Variants in PPFIA1 observed in about 807,000 individuals in gnomAD.
The protein encoded by PPFIA1 is PPFI scaffold protein A1.
In PPFIA1, 25 loss-of-function variants were observed where a neutral mutation model predicts 149.9. That is an observed-to-expected ratio of 0.17 (90% CI 0.12 to 0.23). PPFIA1 has a LOEUF of 0.23. Among genes scored for constraint, PPFIA1 ranks in the 10% least tolerant of loss-of-function variants. The pLI is 1.00. For synonymous variants in PPFIA1, 549 were observed against 552.8 expected, an observed-to-expected ratio of 0.99 and a Z score of 0.10; for missense variants, 1,362 against 1,506.5, an observed-to-expected ratio of 0.90 and a Z score of 1.59.
At chr11:70,319,681 G>A (rs887416131) in intron 2 of PPFIA1, among the ~76,000 whole-genome samples, 2 of 152,184 alleles carry the variant, frequency 1.3e-5, no homozygotes, top group Non-Finnish European at 2.9e-5. Flanking sequence ...TAGATAAGGT[G>A]ATTTCTATAG....
chr11:70,278,889 A>G (rs1437021519), intron 2 of PPFIA1: 3 of 531,376 alleles, frequency 5.6e-6, no homozygotes, highest in South Asian at 1.8e-5. Flanking sequence ...GGGTCCTGAG[A>G]TAATAAGGAA....
At chr11:70,284,043 T>C (rs1217241395) in intron 2 of PPFIA1, 2 of 530,524 alleles carry the variant, frequency 3.8e-6, no homozygotes, top group Non-Finnish European at 7.7e-6. Context: ...TTATTTTTGC[T>C]TCAACCTAAT....
At chr11:70,312,958 C>G (rs115722544) in intron 2 of PPFIA1, among the ~76,000 whole-genome samples, 4,388 of 152,194 alleles carry the variant, frequency 0.029, 245 homozygotes, top group African/African-American at 0.1. Context: ...GTAGAGGAGG[C>G]CTCTGCAGGA....
At position 70,372,470 on chromosome 11, in the gene PPFIA1, CA is replaced by C; in HGVS notation, c.3042-4del. 1.2e-6 allele frequency: 2 copies of C among 1,613,050 alleles called. No individual in the cohort carries two copies. The highest frequency in any genetic ancestry group is 4.5e-5 in the East Asian group (2 of 44,876). On this transcript the variant is annotated splice_polypyrimidine_tract_variant and splice_region_variant and intron_variant, in intron 22 of 27. Transcript: ENST00000253925. ...TCTCTAAATCATCTCTCTTTTCTTC[CA>C]AATAGAAACAGTTTCCAGTGTGGAA...
intron 2 of PPFIA1, among the ~76,000 whole-genome samples, chr11:70,290,013 G>C (rs570723190): frequency 6.6e-6 from 1 of 152,246 alleles, no homozygotes; most frequent in African/African-American, 2.4e-5. Context: ...TGCATCACTT[G>C]AGCCCAGGTG....
At chr11:70,312,878 G>GA (rs1193662616) in intron 2 of PPFIA1, among the ~76,000 whole-genome samples, 1 of 152,210 alleles carries the variant, frequency 6.6e-6, no homozygotes, top group Non-Finnish European at 1.5e-5. Context: ...CAGCCGGGAA[G>GA]TGAGGAATGC....
chr11:70,282,824 C>T (rs1360808793), intron 2 of PPFIA1, among the ~76,000 whole-genome samples: 26 of 143,222 alleles, frequency 1.8e-4, no homozygotes, highest in African/African-American at 4.9e-4. Flanking sequence ...CGTGAGCCAC[C>T]GTGCCTGGCT....
At chr11:70,321,439 A>G (rs1298617770) in intron 2 of PPFIA1, 1 of 152,190 alleles carries the variant, frequency 6.6e-6, no homozygotes, top group African/African-American at 2.4e-5. Context: ...TCTAATACAC[A>G]TCCTCACAGA....
At chr11:70,352,797 G>GC (rs1175542628) in intron 16 of PPFIA1, among the ~76,000 whole-genome samples, 31 of 140,856 alleles carry the variant, frequency 2.2e-4, no homozygotes, top group African/African-American at 8.2e-4. Context: ...GTGGAGGGGT[G>GC]GGAGGGCGGC....
chr11:70,296,535 A>C (rs1460438384), intron 2 of PPFIA1, among the ~76,000 whole-genome samples: 3 of 151,916 alleles, frequency 2.0e-5, no homozygotes, highest in Non-Finnish European at 2.9e-5. Context: ...TACGAAAACC[A>C]GTCAGGCGTG....
chr11:70,314,521 A>C (rs947003442), intron 2 of PPFIA1, among the ~76,000 whole-genome samples: 3 of 152,188 alleles, frequency 2.0e-5, no homozygotes, highest in Admixed American at 6.5e-5. Context: ...ACAAAAAAAA[A>C]TTATCTTACT....
chr11:70,348,518 G>A (rs12295241), intron 16 of PPFIA1, 98 bp downstream of exon 16: 359,279 of 973,310 alleles, frequency 0.37, 73,658 homozygotes, highest in African/African-American at 0.78. Flanking sequence ...AAGTACATTC[G>A]TTATTCTAAG....
chr11:70,301,023 T>C (rs1430064040), intron 2 of PPFIA1, among the ~76,000 whole-genome samples: 1 of 152,198 alleles, frequency 6.6e-6, no homozygotes, highest in Non-Finnish European at 1.5e-5. Flanking sequence ...ACTGCTGCAA[T>C]GGCAGTCTGT....
intron 2 of PPFIA1, among the ~76,000 whole-genome samples, chr11:70,285,464 G>A (rs1273249727): frequency 4.6e-5 from 7 of 152,040 alleles, no homozygotes; most frequent in African/African-American, 1.7e-4. Context: ...GGCAGATCAC[G>A]AGGTCAGGAG....
At chr11:70,332,931 AAG>A in intron 9 of PPFIA1, 2 of 428,372 alleles carry the variant, frequency 4.7e-6, no homozygotes, top group Admixed American at 2.4e-5. Context: ...TAACAGCTGT[AAG>A]AACCTATCCT....
At chr11:70,348,676 G>A (rs2055865451) in intron 16 of PPFIA1, among the ~76,000 whole-genome samples, 1 of 152,158 alleles carries the variant, frequency 6.6e-6, no homozygotes, top group African/African-American at 2.4e-5. Flanking sequence ...AGCCCAGGAG[G>A]TCAAAACCAG....
intron 7 of PPFIA1, among the ~76,000 whole-genome samples, chr11:70,328,090 T>A (rs2054428348): frequency 6.6e-6 from 1 of 152,252 alleles, no homozygotes; most frequent in South Asian, 2.1e-4. Context: ...TAATTTTTTA[T>A]TTTAACTTTT....
intron 16 of PPFIA1, among the ~76,000 whole-genome samples, chr11:70,352,830 C>T (rs559741032): frequency 6.8e-5 from 10 of 147,492 alleles, no homozygotes; most frequent in South Asian, 2.2e-4. Context: ...CGGAGGGCGG[C>T]GTGTGGAGGG....
At chr11:70,271,504 A>G (rs1565322823) in intron 1 of PPFIA1, among the ~76,000 whole-genome samples, 1 of 149,844 alleles carries the variant, frequency 6.7e-6, no homozygotes, top group East Asian at 1.9e-4. Context: ...TCGACCTGCT[A>G]TATTTCCATT....
Sources: allele counts gnomAD v4.1 joint callset (sites outside exome capture counted in the v4.1 genomes callset), GRCh38; gene constraint gnomAD v4.1.1; transcripts MANE v1.5; gene names NCBI Gene and HGNC (gene_info 2026-07-23, HGNC 2026-07-21).